The following SPATA13 variants were observed in gnomAD, a reference collection of about 807,000 sequenced individuals.
SPATA13 encodes the protein spermatogenesis associated 13, also known as spermatogenesis-associated protein 13.
Under a neutral mutation model 104.0 loss-of-function variants are expected in SPATA13, and 50 were observed. The observed-to-expected ratio is 0.48, with a 90% confidence interval of 0.38 to 0.61. The LOEUF is 0.61. SPATA13 is among the 20% of genes least tolerant of loss of function. The probability of loss-of-function intolerance (pLI) is 0.00; values close to 1 mark genes in which losing one functional copy is unlikely to be tolerated. For synonymous variants in SPATA13, 606 were observed against 667.5 expected, an observed-to-expected ratio of 0.91 and a Z score of 1.42; for missense variants, 1,524 against 1,690.6, an observed-to-expected ratio of 0.90 and a Z score of 1.73.
rs1878325022 is a variant in SPATA13, at chr13:24,051,145, T to C, written c.-112+33444T>C. ...CAAATGAACTCCAAGTGAGCACTGC[T>C]GGGGCTAGCCTCCTGAAGTTTTTGG... is the stretch of plus-strand genomic sequence containing the variant. On this transcript the variant is annotated intron_variant, in intron 3 of 14. Coordinates refer to the SPATA13 transcript ENST00000424834. This position sits in a 1 kb window ranked among gnomAD's most constrained non-coding sequence, Gnocchi z 4.2. 2.0e-5 allele frequency among the ~76,000 whole-genome samples: 3 copies of C among 152,206 alleles called. No individual in the cohort carries two copies. Among genetic ancestry groups the C allele is most frequent in the Admixed American group, 2.0e-4 (3 of 15,288 alleles).
intron 3 of SPATA13, among the ~76,000 whole-genome samples, chr13:24,019,384 G>T (rs1299102700): frequency 6.6e-6 from 1 of 152,082 alleles, no homozygotes; most frequent in Non-Finnish European, 1.5e-5. Flanking sequence ...CACCACACCC[G>T]GCCATGATTC....
intron 2 of SPATA13, among the ~76,000 whole-genome samples, chr13:24,015,976 C>G (rs902939686): frequency 6.6e-6 from 1 of 152,216 alleles, no homozygotes; most frequent in Admixed American, 6.5e-5. Context: ...TGTCGCGGCT[C>G]CTTGGCTCCA....
intron 4 of SPATA13, among the ~76,000 whole-genome samples, chr13:24,269,499 C>T (rs1274657488): frequency 6.6e-6 from 1 of 152,172 alleles, no homozygotes; most frequent in Non-Finnish European, 1.5e-5. Context: ...CTCCTGGGCT[C>T]AAGTGATCCT....
chr13:24,046,430 A>G (rs1396754077), intron 3 of SPATA13, among the ~76,000 whole-genome samples: 3 of 151,478 alleles, frequency 2.0e-5, no homozygotes, highest in Non-Finnish European at 4.4e-5. Context: ...AGTAGCTAGG[A>G]CACACTGCCA....
intron 3 of SPATA13, chr13:24,123,037 A>C: frequency 1.1e-6 from 1 of 946,116 alleles, no homozygotes; most frequent in South Asian, 1.3e-5. Context: ...ACTTGGTTAA[A>C]TGTCATTGCC....
chr13:23,982,462 G>T (rs1384885255), intron 1 of SPATA13, among the ~76,000 whole-genome samples: 1 of 152,014 alleles, frequency 6.6e-6, no homozygotes, highest in Non-Finnish European at 1.5e-5. Flanking sequence ...AATATTAACT[G>T]GCAGAAAAAG....
intron 3 of SPATA13, chr13:24,122,523 C>A: frequency 6.2e-7 from 1 of 1,602,206 alleles, no homozygotes; most frequent in South Asian, 1.1e-5. Flanking sequence ...CATCACTCCC[C>A]GGTTCCTCTG....
intron 3 of SPATA13, among the ~76,000 whole-genome samples, chr13:24,041,005 C>T (rs551797731): frequency 6.6e-6 from 1 of 152,338 alleles, no homozygotes; most frequent in African/African-American, 2.4e-5. Context: ...CACATGGTTA[C>T]AGCTGCATGT....
rs73455715 is a variant in SPATA13 at position 24,273,985 on chromosome 13, C to T, written c.2165-10150C>T. On this transcript the variant is annotated intron_variant, in intron 4 of 12. Transcript: ENST00000382108. ...GATTACAGGCATGAGCCACTGCGCC[C>T]GGCCAATGGTTAAACTTTTGAGGGA... Among the ~76,000 whole-genome samples the T allele has an allele frequency of 5.2e-3, 789 of 152,262 alleles. 11 individuals are homozygous for T. The highest frequency in any genetic ancestry group is 0.018 in the African/African-American group (750 of 41,546).
intron 3 of SPATA13, among the ~76,000 whole-genome samples, chr13:24,043,623 G>A (rs2137731972): frequency 6.6e-6 from 1 of 152,224 alleles, no homozygotes; most frequent in East Asian, 1.9e-4. Flanking sequence ...GAGAGTAAAG[G>A]CCTCAGTGAA....
At chr13:24,284,596 G>A (rs527721942) in intron 5 of SPATA13, among the ~76,000 whole-genome samples, 103 of 152,254 alleles carry the variant, frequency 6.8e-4, no homozygotes, top group African/African-American at 2.4e-3. Context: ...GCTGGGAGGC[G>A]GAGGTTGCAG....
intron 3 of SPATA13, among the ~76,000 whole-genome samples, chr13:24,058,926 C>G (rs1013261812): frequency 2.0e-5 from 3 of 151,490 alleles, no homozygotes; most frequent in Non-Finnish European, 3.0e-5. Flanking sequence ...TCATGTAGAC[C>G]TGTAAGCTCC....
intron 3 of SPATA13, among the ~76,000 whole-genome samples, chr13:24,030,060 A>ATGCGCG (rs1252280588): frequency 4.2e-5 from 6 of 143,414 alleles, no homozygotes; most frequent in African/African-American, 1.5e-4. Flanking sequence ...ACACACACAC[A>ATGCGCG]CACACGCACA....
At position 24,271,011 on chromosome 13, in the gene SPATA13, A is replaced by ACTCTCTCTCACTCTCTCTCT. The variant is rs1448987965; in HGVS notation, c.2165-13096_2165-13077dup. ...TCTTCCCCTCTCTCTCTCTCTCTCC[A>ACTCTCTCTCACTCTCTCTCT]CTCTCTCTCACTCTCTCTCTCTCTC... On this transcript the variant is annotated intron_variant, in intron 4 of 12. Transcript: ENST00000382108. The ACTCTCTCTCACTCTCTCTCT allele has an allele frequency of 4.3e-4, 288 of 663,504 alleles. No homozygotes were observed. The African/African-American group carries it at 6.3e-3, about 15-fold the overall frequency. 41.1% of individuals were successfully genotyped at this position (663,504 alleles called of 1,614,324 possible). A position where few individuals can be genotyped will look rare whatever the true frequency, so the allele number is the denominator to read the frequency against.
At chr13:24,116,823 A>T (rs1056305047) in intron 3 of SPATA13, among the ~76,000 whole-genome samples, 4 of 146,700 alleles carry the variant, frequency 2.7e-5, no homozygotes, top group African/African-American at 9.9e-5. Flanking sequence ...GGAGGTAATT[A>T]GGTTTAGATG....
intron 1 of SPATA13, among the ~76,000 whole-genome samples, chr13:24,200,926 ATG>A (rs1474751071): frequency 1.3e-5 from 2 of 152,046 alleles, no homozygotes; most frequent in Non-Finnish European, 1.5e-5. Flanking sequence ...TATTGACAGA[ATG>A]TGTCTGATTA....
At chr13:24,081,246 G>T (rs1879505854) in intron 3 of SPATA13, among the ~76,000 whole-genome samples, 1 of 151,990 alleles carries the variant, frequency 6.6e-6, no homozygotes, top group African/African-American at 2.4e-5. Flanking sequence ...TTTGGTTTTT[G>T]GAGGGGACAA....
At chr13:24,059,171 C>T (rs1236988301) in intron 3 of SPATA13, among the ~76,000 whole-genome samples, 2 of 151,608 alleles carry the variant, frequency 1.3e-5, no homozygotes, top group Non-Finnish European at 2.9e-5. Context: ...CGGGGTTTCA[C>T]CGTGTTAGCC....
intron 3 of SPATA13, among the ~76,000 whole-genome samples, chr13:24,133,807 T>A (rs970008764): frequency 2.0e-5 from 3 of 152,162 alleles, no homozygotes; most frequent in African/African-American, 4.8e-5. Flanking sequence ...CACAGAGTTA[T>A]GGTCCAAAGG....
Sources: allele counts gnomAD v4.1 joint callset (sites outside exome capture counted in the v4.1 genomes callset), GRCh38; gene constraint gnomAD v4.1.1; non-coding constraint Gnocchi (gnomAD v3.1); transcripts MANE v1.5; gene names NCBI Gene and HGNC (gene_info 2026-07-23, HGNC 2026-07-21).